Variants in VNN2 observed in about 807,000 individuals in gnomAD.
VNN2 encodes vanin 2.
A neutral mutation model predicts 43.0 loss-of-function variants in VNN2; 43 were observed. The observed-to-expected ratio is 1.00, with a 90% CI of 0.78 to 1.29. VNN2 has a LOEUF of 1.29. VNN2 is among the 50% of genes most tolerant of loss of function. VNN2 has a pLI of 0.00. For synonymous variants in VNN2, 230 were observed against 224.3 expected (o/e 1.03, Z -0.23); for missense variants, 652 against 619.7 (o/e 1.05, Z -0.55).
intron 6 of VNN2, among the ~76,000 whole-genome samples, chr6:132,745,662 G>T (rs975238401): frequency 6.6e-6 from 1 of 152,220 alleles, no homozygotes; most frequent in African/African-American, 2.4e-5. Flanking sequence ...TAGCGCTGAA[G>T]ATTAGTGAAG....
intron 4 of VNN2, 74 bp from the exon 5 acceptor site, chr6:132,751,592 G>A (rs1780108431): frequency 6.6e-7 from 1 of 1,523,620 alleles, no homozygotes; most frequent in Admixed American, 2.1e-5. Context: ...TTCCCCATCA[G>A]AATTGGGCAT....
chr6:132,759,674 T>C (rs1780692672), upstream of VNN2, among the ~76,000 whole-genome samples: 1 of 152,156 alleles, frequency 6.6e-6, no homozygotes, highest in African/African-American at 2.4e-5. Context: ...CTGAGATAAA[T>C]GTTTTGTTAA....
In VNN2 at chr6:132,749,815, C is replaced by G; in HGVS notation, c.1251G>C (p.Arg417=). 10 of 1,614,054 alleles carry G rather than the reference C, an allele frequency of 6.2e-6. No individual in the cohort carries two copies. Among genetic ancestry groups the G allele is most frequent in the Non-Finnish European group, 8.5e-6 (10 of 1,179,972 alleles). The change falls in exon 6 of 7, where the codon CGG becomes CGC. Residue 417 remains arginine (R), a synonymous_variant. Transcript: ENST00000326499. ...ATCTTGTAGAAGCAGTTTCTACTGG[C>G]CGTCCACAAGTTGTCAAATTAGTAG... ...CKTTNLTTCG[R]PVETASTRFE... is the part of the protein sequence containing the mutation.
intron 5 of VNN2, 116 bp downstream of exon 5, chr6:132,751,029 C>A (rs1182445445): frequency 1.5e-5 from 19 of 1,245,668 alleles, no homozygotes; most frequent in African/African-American, 3.0e-5. Flanking sequence ...GTGTGTGTTG[C>A]CATCAATGCA....
chr6:132,757,637 G>T, intron 1 of VNN2, 34 bp downstream of exon 1: 1 of 1,610,612 alleles, frequency 6.2e-7, no homozygotes, highest in Non-Finnish European at 8.5e-7. Context: ...CATGCCCCTC[G>T]TGTACATTAT....
intron 2 of VNN2, among the ~76,000 whole-genome samples, chr6:132,757,066 C>T (rs1031146204): frequency 2.0e-5 from 3 of 152,302 alleles, no homozygotes; most frequent in East Asian, 3.9e-4. Flanking sequence ...GACTCTATAA[C>T]ATTGAAAGGG....
intron 5 of VNN2, among the ~76,000 whole-genome samples, chr6:132,750,449 G>A (rs997712547): frequency 7.1e-6 from 1 of 140,600 alleles, no homozygotes; most frequent in Non-Finnish European, 1.5e-5. Flanking sequence ...AGACCAGCCT[G>A]GCCAACATGG....
At chr6:132,758,970 C>T (rs1286998412), upstream of VNN2, among the ~76,000 whole-genome samples, 1 of 147,268 alleles carries the variant, frequency 6.8e-6, no homozygotes, top group Non-Finnish European at 1.5e-5. Context: ...TTCTCCTTCT[C>T]CTCCTACTCC....
chr6:132,753,989 G>T (rs913441589), intron 3 of VNN2: 1 of 142,204 alleles, frequency 7.0e-6, no homozygotes, highest in South Asian at 2.3e-4. Context: ...GGAATTGATC[G>T]ACAAAGGTAT....
rs369805846 is a variant in VNN2 at position 132,750,514 on chromosome 6, T to TATATATATATATATATATATATATATATA, written c.1200+630_1200+631insTATATATATATATATATATATATATATAT. ...GTATATGTGTATATATATATATATATTTTTCCAGGTGTGGTGGCACATGCC... is the reference window on the plus strand; with the variant it reads ...GTATATGTGTATATATATATATATATATATATATATATATATATATATATATATATTTTCCAGGTGTGGTGGCACATGCC... On this transcript the variant is annotated intron_variant, in intron 5 of 6. Transcript: ENST00000326499. 6.3e-4 allele frequency among the ~76,000 whole-genome samples: 72 copies of TATATATATATATATATATATATATATATA among 114,112 alleles called. 3 individuals are homozygous for TATATATATATATATATATATATATATATA. Among genetic ancestry groups the TATATATATATATATATATATATATATATA allele is most frequent in the African/African-American group, 8.3e-4 (27 of 32,402 alleles). The allele number at this position is 114,112 out of a possible 152,430, so 74.9% of individuals were successfully genotyped here. A position where few individuals can be genotyped will look rare whatever the true frequency, so the allele number is the denominator to read the frequency against.
In VNN2 at chr6:132,752,778, TA is replaced by T. The variant is rs1780202150; in HGVS notation, c.538-30del. 6 of 1,580,940 alleles carry T rather than the reference TA, an allele frequency of 3.8e-6. No homozygotes were observed. The East Asian group carries it at 1.3e-4, about 35-fold the overall frequency. ...CAACAAATGGATAGGAGAAAACCAG[TA>T]AAACCTTATTTGTTGAAGAAATGAC... is the stretch of plus-strand genomic sequence containing the variant. On this transcript the variant is annotated intron_variant, in intron 3 of 6. Transcript: ENST00000326499.
intron 3 of VNN2, 23 bp downstream of exon 3, chr6:132,755,820 A>T: frequency 1.3e-6 from 2 of 1,587,960 alleles, no homozygotes; most frequent in Non-Finnish European, 1.7e-6. Context: ...GCTCCATTTT[A>T]CACGTCCGTC....
intron 6 of VNN2, among the ~76,000 whole-genome samples, chr6:132,747,415 G>A (rs912574134): frequency 5.3e-5 from 8 of 152,088 alleles, no homozygotes; most frequent in African/African-American, 1.7e-4. Flanking sequence ...TTAGGAGTTC[G>A]AGACCAGCCT....
At chr6:132,748,900 T>C (rs1292325089) in intron 6 of VNN2, among the ~76,000 whole-genome samples, 1 of 152,148 alleles carries the variant, frequency 6.6e-6, no homozygotes, top group East Asian at 1.9e-4. Context: ...CACTGCACTC[T>C]AACCTGGGTG....
chr6:132,746,446 G>C (rs1374949172), intron 6 of VNN2, among the ~76,000 whole-genome samples: 1 of 152,134 alleles, frequency 6.6e-6, no homozygotes, highest in East Asian at 1.9e-4. Flanking sequence ...TCAATATTAT[G>C]ACTGCTGTTT....
rs371706476 is a variant in VNN2 at position 132,757,692 on chromosome 6, C to T, written c.192G>A (p.Ala64=). 19 of 1,613,912 alleles carry T rather than the reference C, an allele frequency of 1.2e-5. No homozygotes were observed. Among genetic ancestry groups the T allele is most frequent in the East Asian group, 6.7e-5 (3 of 44,900 alleles). ...ATACCTGCTCAGCTGCCTGCTTGAT[C>T]GCTGTCTCCAGAATGTCTATATTCT... ...MNENIDILET[A]IKQAAEQGAR... is the part of the protein sequence containing the mutation. Residue 64 remains alanine (A), a synonymous_variant, in exon 1 of 7, where the codon GCG becomes GCA. Coordinates refer to ENST00000326499, the MANE Select transcript of VNN2 (RefSeq NM_004665.6).
chr6:132,749,190 G>C (rs1020784861), intron 6 of VNN2, among the ~76,000 whole-genome samples: 7 of 152,118 alleles, frequency 4.6e-5, no homozygotes. Context: ...CCCATTGAGA[G>C]GTCTGAGTTC....
chr6:132,758,033 CTTCTTCTTTTTTT>C, upstream of VNN2: 1 of 69,412 alleles, frequency 1.4e-5, no homozygotes, highest in Non-Finnish European at 2.2e-5. Flanking sequence ...TCTTCTTCTT[CTTCTTCTTTTTTT>C]TTTTTTTTTT....
intron 2 of VNN2, 57 bp downstream of exon 2, chr6:132,757,359 G>T: frequency 6.5e-7 from 1 of 1,530,492 alleles, no homozygotes; most frequent in South Asian, 1.3e-5. Context: ...TTGCTTTGGT[G>T]AACGTGCGCA....
Sources: allele counts gnomAD v4.1 joint callset (sites outside exome capture counted in the v4.1 genomes callset), GRCh38; gene constraint gnomAD v4.1.1; transcripts MANE v1.5; gene names NCBI Gene and HGNC (gene_info 2026-07-23, HGNC 2026-07-21).